The following BBX variants were observed in gnomAD, a reference collection of about 807,000 sequenced individuals.
BBX encodes the protein HMG box transcription factor BBX.
A neutral mutation model predicts 100.2 loss-of-function variants in BBX; 30 were observed. The observed-to-expected ratio is 0.30, with a 90% CI of 0.22 to 0.41. BBX has a LOEUF of 0.41. BBX is among the 10% of genes least tolerant of loss of function. The pLI is 1.00. For missense variants in BBX, 1,023 were observed against 1,129.8 expected (o/e 0.91, Z 1.35); for synonymous variants, 376 against 388.1 (o/e 0.97, Z 0.37).
At chr3:107,714,978 G>A (rs764609958) in intron 4 of BBX, among the ~76,000 whole-genome samples, 1 of 151,976 alleles carries the variant, frequency 6.6e-6, no homozygotes. Flanking sequence ...TAGAGACAGG[G>A]CTTCACCATG....
intron 3 of BBX, among the ~76,000 whole-genome samples, chr3:107,681,571 A>G (rs887390530): frequency 2.0e-4 from 31 of 152,126 alleles, no homozygotes; most frequent in Non-Finnish European, 2.2e-4. Context: ...AGCCTTGCCA[A>G]GTAAGGAACT....
At chr3:107,734,560 A>G (rs1440100219) in intron 7 of BBX, among the ~76,000 whole-genome samples, 1 of 152,186 alleles carries the variant, frequency 6.6e-6, no homozygotes, top group African/African-American at 2.4e-5. Context: ...TGACCTTTCA[A>G]CATGTCTGAC....
chr3:107,592,021 C>G (rs1231602507), intron 2 of BBX, among the ~76,000 whole-genome samples: 1 of 151,978 alleles, frequency 6.6e-6, no homozygotes, highest in Non-Finnish European at 1.5e-5. Flanking sequence ...ATATTTTTGG[C>G]ATTGTATATG....
intron 3 of BBX, among the ~76,000 whole-genome samples, chr3:107,676,041 G>C (rs1439477034): frequency 1.3e-5 from 2 of 152,070 alleles, no homozygotes; most frequent in East Asian, 3.8e-4. Flanking sequence ...TTATCACACA[G>C]TAGGAATGCC....
rs1392334110 is a variant in BBX, at chr3:107,616,078, A to G, written c.-83-29758A>G. On this transcript the variant is annotated intron_variant, in intron 2 of 17. Coordinates refer to ENST00000325805, the MANE Select transcript of BBX (RefSeq NM_001142568.3). ...TTGTTGTTTAAAATTTTTTTTAACT[A>G]AACTTTTTATTTTGAGATAATTTTG... 4.5e-5 allele frequency among the ~76,000 whole-genome samples: 4 copies of G among 88,176 alleles called. No homozygotes were observed. In the Admixed American group the frequency reaches 5.3e-4, roughly 12 times the overall value. 57.8% of individuals were successfully genotyped at this position (88,176 alleles called of 152,430 possible). A position where few individuals can be genotyped will look rare whatever the true frequency, so the allele number is the denominator to read the frequency against.
Position 107,642,805 on chromosome 3 carries a change from T to A in BBX, c.-83-3031T>A, listed in dbSNP as rs182670272. On this transcript the variant is annotated intron_variant, in intron 2 of 17. Coordinates refer to ENST00000325805, the MANE Select transcript of BBX (RefSeq NM_001142568.3). Reference sequence around the variant, plus strand: ...TGCATGGTATCATGCCCAGCAGTTTTTTTTTCAGTTGAATGTAATTGTTCC... The same window carrying A: ...TGCATGGTATCATGCCCAGCAGTTTATTTTTCAGTTGAATGTAATTGTTCC... Among the ~76,000 whole-genome samples the A allele has an allele frequency of 3.6e-3, 544 of 152,280 alleles. 4 individuals carry two copies. The highest frequency in any genetic ancestry group is 0.012 in the African/African-American group (488 of 41,558).
At chr3:107,786,381 A>G (rs982984325) in intron 13 of BBX, among the ~76,000 whole-genome samples, 1 of 152,162 alleles carries the variant, frequency 6.6e-6, no homozygotes, top group Non-Finnish European at 1.5e-5. Context: ...AGAAAATAGT[A>G]GTTGATTTTA....
chr3:107,727,929 CTT>C (rs1051258317), intron 5 of BBX, among the ~76,000 whole-genome samples: 6 of 152,044 alleles, frequency 3.9e-5, no homozygotes, highest in Non-Finnish European at 2.9e-5. Context: ...TAACAGATAA[CTT>C]TTGGAAATAT....
chr3:107,663,754 TTA>T (rs2058588602), intron 3 of BBX, among the ~76,000 whole-genome samples: 1 of 152,044 alleles, frequency 6.6e-6, no homozygotes. Context: ...ATACCATAGT[TTA>T]TTTACTTTCT....
At chr3:107,534,149 A>G (rs1371139602) in intron 2 of BBX, among the ~76,000 whole-genome samples, 1 of 152,200 alleles carries the variant, frequency 6.6e-6, no homozygotes. Flanking sequence ...TTGTTTATTG[A>G]TAGGGCTTTC....
At position 107,806,024 on chromosome 3, in the gene BBX, G is replaced by A. The variant is rs1385923279; in HGVS notation, c.*567G>A. On this transcript the variant is annotated 3_prime_UTR_variant, in exon 18 of 18. Coordinates refer to ENST00000325805, the MANE Select transcript of BBX (RefSeq NM_001142568.3). ...AGAGACTCCCAAGCAGCCTGGGCAG[G>A]CAGATGTACCATTGTTAGTGGTGTA... The A allele has an allele frequency of 6.6e-6, 1 of 151,764 alleles. No individual in the cohort carries two copies. The highest frequency in any genetic ancestry group is 2.4e-5 in the African/African-American group (1 of 41,266). 9.4% of individuals were successfully genotyped at this position (151,764 alleles called of 1,614,324 possible). A position where few individuals can be genotyped will look rare whatever the true frequency, so the allele number is the denominator to read the frequency against.
chr3:107,617,723 T>C (rs1205904678), intron 2 of BBX, among the ~76,000 whole-genome samples: 1 of 152,184 alleles, frequency 6.6e-6, no homozygotes, highest in Non-Finnish European at 1.5e-5. Context: ...GTACAATTGA[T>C]TAAATATAAT....
chr3:107,804,437 A>T (rs1324520291), intron 17 of BBX, among the ~76,000 whole-genome samples: 1 of 152,192 alleles, frequency 6.6e-6, no homozygotes, highest in Non-Finnish European at 1.5e-5. Flanking sequence ...TGCATTTTCT[A>T]GGATTGGTAG....
chr3:107,523,224 G>T (rs1576149675), intron 1 of BBX, 117 bp downstream of exon 1: 2 of 219,300 alleles, frequency 9.1e-6, no homozygotes, highest in South Asian at 5.3e-5. Flanking sequence ...GAGCAGCGGC[G>T]GCGGCGGCGG....
chr3:107,657,659 GCTA>G (rs1299810674), intron 3 of BBX, among the ~76,000 whole-genome samples: 2 of 152,064 alleles, frequency 1.3e-5, no homozygotes, highest in Non-Finnish European at 2.9e-5. Context: ...GAAGTAAGGA[GCTA>G]CTAGTATTAC....
chr3:107,534,720 A>G (rs1166400298), intron 2 of BBX, among the ~76,000 whole-genome samples: 1 of 152,242 alleles, frequency 6.6e-6, no homozygotes, highest in Non-Finnish European at 1.5e-5. Flanking sequence ...ACACATCCCT[A>G]CATATGAAAG....
chr3:107,539,476 T>C (rs979469720), intron 2 of BBX, among the ~76,000 whole-genome samples: 4 of 152,148 alleles, frequency 2.6e-5, no homozygotes, highest in Non-Finnish European at 4.4e-5. Context: ...TGCAAAATGC[T>C]TACTTAATCT....
intron 3 of BBX, among the ~76,000 whole-genome samples, chr3:107,686,560 A>G (rs2059861317): frequency 6.6e-6 from 1 of 152,114 alleles, no homozygotes; most frequent in Non-Finnish European, 1.5e-5. Context: ...TTGCAGTATC[A>G]ATAATTTAGC....
chr3:107,795,360 A>G (rs902120177), intron 15 of BBX, among the ~76,000 whole-genome samples: 3 of 152,154 alleles, frequency 2.0e-5, no homozygotes, highest in Non-Finnish European at 4.4e-5. Flanking sequence ...CTGAGGGCTG[A>G]TCCTGAAGGC....
Sources: gnomAD v4.1 joint callset for allele counts (sites outside exome capture counted in the v4.1 genomes callset) on GRCh38, gnomAD v4.1.1 for gene constraint, MANE v1.5 for transcripts, NCBI Gene and HGNC (gene_info 2026-07-23, HGNC 2026-07-21) for gene names.